PTPN22: variants seen among roughly 807,000 people sequenced by gnomAD.
PTPN22 encodes tyrosine-protein phosphatase non-receptor type 22.
A neutral mutation model predicts 103.3 loss-of-function variants in PTPN22; 85 were observed. The observed-to-expected ratio is 0.82, with a 90% confidence interval of 0.69 to 0.99. The LOEUF is 0.99. Among genes scored for constraint, PTPN22 ranks in the 50% least tolerant of loss-of-function variants. PTPN22 has a pLI of 0.00. For synonymous variants in PTPN22, 323 were observed against 310.2 expected (o/e 1.04, Z -0.43); for missense variants, 865 against 936.9 (o/e 0.92, Z 1.00).
At chr1:113,858,643 C>CA (rs1553252869) in intron 3 of PTPN22, 70 bp from the exon 4 acceptor site, 38 of 700,676 alleles carry the variant, frequency 5.4e-5, no homozygotes, top group African/African-American at 5.0e-4. Context: ...CCTCCGCTTC[C>CA]TTTTTTTTTT....
intron 13 of PTPN22, among the ~76,000 whole-genome samples, chr1:113,836,283 G>T (rs930904830): frequency 1.3e-5 from 2 of 152,094 alleles, no homozygotes; most frequent in Non-Finnish European, 2.9e-5. Context: ...TCAAATTATT[G>T]TCATCATCTC....
chr1:113,829,272 T>C (rs1662347914), intron 18 of PTPN22: 1 of 165,016 alleles, frequency 6.1e-6, no homozygotes, highest in Admixed American at 6.4e-5. Context: ...TTATTTTAGG[T>C]TCAGGGGTAT....
intron 1 of PTPN22, 41 bp from the exon 2 acceptor site, chr1:113,859,501 A>G (rs1305111660): frequency 6.7e-7 from 1 of 1,492,314 alleles, no homozygotes; most frequent in Non-Finnish European, 9.3e-7. Flanking sequence ...TCCTAGAGAA[A>G]TGAGGTAAGA....
exon 13 of PTPN22, chr1:113,837,660 T>A: frequency 6.2e-7 from 1 of 1,605,234 alleles, no homozygotes; most frequent in Non-Finnish European, 8.5e-7. Flanking sequence ...AAGAATCATG[T>A]GAATTGTAAT....
Position 113,838,412 on chromosome 1 carries a change from A to C in PTPN22, c.993-5T>G. 1 of 1,582,646 alleles carries C rather than the reference A, an allele frequency of 6.3e-7. No individual in the cohort carries two copies. The highest frequency in any genetic ancestry group is 8.6e-7 in the Non-Finnish European group (1 of 1,166,712). ...ATTTTTGCTGCTTTTGTGGTACTAAAACAAAAAGAAAGCGTAATGATGACA... is the reference window on the plus strand; with the variant it reads ...ATTTTTGCTGCTTTTGTGGTACTAACACAAAAAGAAAGCGTAATGATGACA... On this transcript the variant is annotated splice_region_variant and splice_polypyrimidine_tract_variant and intron_variant, in intron 12 of 20. Transcript: ENST00000359785.
chr1:113,871,421 G>A (rs987236897), intron 1 of PTPN22, 116 bp downstream of exon 1: 34 of 734,888 alleles, frequency 4.6e-5, no homozygotes, highest in Admixed American at 2.0e-4. Context: ...TGTCTTCCCC[G>A]CCAAGGTCTC....
intron 14 of PTPN22, 70 bp from the exon 15 acceptor site, chr1:113,834,509 A>G: frequency 6.9e-7 from 1 of 1,459,398 alleles, no homozygotes; most frequent in Non-Finnish European, 9.5e-7. Context: ...TTGCTCAGCA[A>G]ATAATACATA....
Position 113,825,133 on chromosome 1 carries a change from C to A in PTPN22, c.2281+9G>T. The A allele has an allele frequency of 6.7e-7, 1 of 1,486,154 alleles. No homozygotes were observed. The highest frequency in any genetic ancestry group is 9.2e-7 in the Non-Finnish European group (1 of 1,084,558). 92.1% of individuals were successfully genotyped at this position (1,486,154 alleles called of 1,614,324 possible). A position where few individuals can be genotyped will look rare whatever the true frequency, so the allele number is the denominator to read the frequency against. ...AAAACGATATTTTTAAACATAAGTA[C>A]CAACTTACTCTTTTTCATGTTTCGC... On this transcript the variant is annotated intron_variant, in intron 19 of 20. Transcript: ENST00000359785.
chr1:113,847,893 C>A (rs1245613328), intron 11 of PTPN22, among the ~76,000 whole-genome samples: 1 of 151,710 alleles, frequency 6.6e-6, no homozygotes, highest in Non-Finnish European at 1.5e-5. Flanking sequence ...TGAACCACTG[C>A]ACCCGGCCAT....
At position 113,834,976 on chromosome 1, in the gene PTPN22, C is replaced by CT. The variant is rs1357713192; in HGVS notation, c.1827dup (p.Asp610ArgfsTer2). On this transcript the variant is annotated frameshift_variant, in exon 14 of 21. Transcript: ENST00000359785. LOFTEE classifies it high-confidence loss of function. ...GGAAGTGGAGGGGGGATTTCATCAT[C>CT]TATCCTTGGAGCAGTTGCTATCCAA... is the stretch of plus-strand genomic sequence containing the variant. 6.4e-7 allele frequency: 1 copy of CT among 1,568,642 alleles called. No homozygotes were observed. The highest frequency in any genetic ancestry group is 8.6e-7 in the Non-Finnish European group (1 of 1,161,764).
intron 3 of PTPN22, 45 bp downstream of exon 3, chr1:113,858,957 G>T: frequency 2.5e-6 from 4 of 1,586,206 alleles, no homozygotes; most frequent in South Asian, 2.3e-5. Context: ...CCTTTTTTTG[G>T]GTATCTAGAG....
At chr1:113,855,074 G>T in intron 7 of PTPN22, 25 bp from the exon 8 acceptor site, 1 of 1,587,546 alleles carries the variant, frequency 6.3e-7, no homozygotes, top group Non-Finnish European at 8.6e-7. Context: ...CAGATGGGAG[G>T]GGAAGAGGGG....
chr1:113,836,794 C>A (rs181822488), intron 13 of PTPN22, among the ~76,000 whole-genome samples: 3 of 151,354 alleles, frequency 2.0e-5, no homozygotes, highest in African/African-American at 4.9e-5. Context: ...GGCATGGTGG[C>A]GTGTCCCTGT....
exon 13 of PTPN22, chr1:113,838,052 T>A (rs767180902): frequency 8.1e-6 from 13 of 1,613,758 alleles, no homozygotes; most frequent in Non-Finnish European, 1.1e-5. Context: ...TCAAAAGGAG[T>A]TGATTTGGTC....
At chr1:113,832,361 G>A (rs1484419709) in intron 16 of PTPN22, among the ~76,000 whole-genome samples, 1 of 152,136 alleles carries the variant, frequency 6.6e-6, no homozygotes, top group Non-Finnish European at 1.5e-5. Context: ...CTAATTTTTA[G>A]TAGAGACAGG....
At chr1:113,858,053 T>C in intron 4 of PTPN22, 1 of 237,392 alleles carries the variant, frequency 4.2e-6, no homozygotes, top group Non-Finnish European at 8.0e-6. Context: ...ATTTTTATTA[T>C]TTTTTAAAAC....
chr1:113,833,155 A>G lies in PTPN22; in HGVS notation c.2026-17T>C, dbSNP rs1406107990. Reference sequence around the variant, plus strand: ...TTTTACACTCTAAAAGAAAAAAAGAAAGGAAAAGTGAAAGAAGAATATGTA... The same window carrying G: ...TTTTACACTCTAAAAGAAAAAAAGAGAGGAAAAGTGAAAGAAGAATATGTA... On this transcript the variant is annotated splice_polypyrimidine_tract_variant and intron_variant, in intron 15 of 20. Coordinates refer to ENST00000359785, the Ensembl canonical transcript of PTPN22. The G allele has an allele frequency of 1.3e-6, 2 of 1,535,840 alleles. No homozygotes were observed. The highest frequency in any genetic ancestry group is 8.9e-7 in the Non-Finnish European group (1 of 1,124,626).
At chr1:113,839,852 A>C (rs1663373630) in intron 11 of PTPN22, among the ~76,000 whole-genome samples, 1 of 152,068 alleles carries the variant, frequency 6.6e-6, no homozygotes, top group African/African-American at 2.4e-5. Flanking sequence ...CATAGTACTA[A>C]AGTTCTAGCC....
At chr1:113,838,791 A>C (rs1663256540) in intron 11 of PTPN22, among the ~76,000 whole-genome samples, 171 bp from the exon 12 acceptor site, 3 of 152,258 alleles carry the variant, frequency 2.0e-5, no homozygotes, top group Admixed American at 2.0e-4. Flanking sequence ...ACTCGTTCAT[A>C]TACTGAGATG....
Sources: allele counts gnomAD v4.1 joint callset (sites outside exome capture counted in the v4.1 genomes callset), GRCh38; gene constraint gnomAD v4.1.1; transcripts MANE v1.5; gene names NCBI Gene and HGNC (gene_info 2026-07-23, HGNC 2026-07-21).